The following FAP variants were observed in gnomAD, a reference collection of about 807,000 sequenced individuals.
FAP encodes prolyl endopeptidase FAP.
Under a neutral mutation model 126.5 loss-of-function variants are expected in FAP, and 110 were observed. The observed-to-expected ratio is 0.87, with a 90% CI of 0.74 to 1.02. FAP has a LOEUF of 1.02. Among genes scored for constraint, FAP ranks in the 50% least tolerant of loss-of-function variants. The probability of loss-of-function intolerance (pLI) is 0.00; values close to 1 mark genes in which losing one functional copy is unlikely to be tolerated. For missense variants in FAP, 919 were observed against 909.2 expected, an observed-to-expected ratio of 1.01 and a Z score of -0.14; for synonymous variants, 334 against 297.3, an observed-to-expected ratio of 1.12 and a Z score of -1.27.
chr2:162,215,285 C>T (rs1216909653), intron 10 of FAP, among the ~76,000 whole-genome samples: 1 of 152,164 alleles, frequency 6.6e-6, no homozygotes, highest in African/African-American at 2.4e-5. Context: ...GCCCAACAGG[C>T]AGGGCCTGGG....
At chr2:162,203,463 A>G (rs1036054741) in intron 12 of FAP, among the ~76,000 whole-genome samples, 6 of 152,238 alleles carry the variant, frequency 3.9e-5, no homozygotes, top group Admixed American at 6.5e-5. Context: ...TCACAAACGC[A>G]TGTTGATATT....
intron 21 of FAP, among the ~76,000 whole-genome samples, chr2:162,179,812 A>ATAT (rs1491388012): frequency 0.037 from 3,346 of 89,416 alleles, 50 homozygotes; most frequent in Non-Finnish European, 0.062. Flanking sequence ...ATATATATAT[A>ATAT]TTTTTTTTTT....
intron 2 of FAP, among the ~76,000 whole-genome samples, chr2:162,230,773 G>A (rs1043410918): frequency 1.3e-5 from 2 of 151,980 alleles, no homozygotes; most frequent in African/African-American, 2.4e-5. Flanking sequence ...GGGGGGTGGG[G>A]TCCTGGTAGT....
At chr2:162,230,872 G>C (rs896340908) in intron 2 of FAP, among the ~76,000 whole-genome samples, 11 of 152,104 alleles carry the variant, frequency 7.2e-5, no homozygotes, top group African/African-American at 2.7e-4. Context: ...TTTGCTCAAT[G>C]CACTCCTGTG....
intron 2 of FAP, among the ~76,000 whole-genome samples, chr2:162,229,415 AAC>A (rs1689799904): frequency 6.6e-6 from 1 of 152,172 alleles, no homozygotes; most frequent in African/African-American, 2.4e-5. Flanking sequence ...CAGTTTGAGA[AAC>A]ACAGTTCCAG....
intron 6 of FAP, among the ~76,000 whole-genome samples, chr2:162,221,311 C>T (rs1689385506): frequency 6.6e-6 from 1 of 152,074 alleles, no homozygotes. Flanking sequence ...CGGCGGATTT[C>T]TTGAGGCCAG....
chr2:162,240,928 T>A (rs1006150411), intron 2 of FAP, among the ~76,000 whole-genome samples: 1 of 152,070 alleles, frequency 6.6e-6, no homozygotes, highest in Non-Finnish European at 1.5e-5. Flanking sequence ...ACCAGTGAGA[T>A]GTGAGAAGAA....
At chr2:162,180,206 G>T (rs146643994) in intron 21 of FAP, among the ~76,000 whole-genome samples, 15 of 152,280 alleles carry the variant, frequency 9.9e-5, no homozygotes, top group African/African-American at 3.6e-4. Context: ...GCCAGGAAAG[G>T]TATCTGGGCT....
chr2:162,198,969 A>G (rs1688380449), intron 15 of FAP, 88 bp from the exon 16 acceptor site: 2 of 1,132,360 alleles, frequency 1.8e-6, no homozygotes, highest in Admixed American at 2.0e-5. Flanking sequence ...ACTAATTTAC[A>G]TATTGACATC....
In FAP at chr2:162,173,226, A is replaced by G; in HGVS notation, c.2035-5T>C. 1 of 1,610,186 alleles carries G rather than the reference A, an allele frequency of 6.2e-7. No individual in the cohort carries two copies. Among genetic ancestry groups the G allele is most frequent in the Admixed American group, 1.7e-5 (1 of 59,898 alleles). On this transcript the variant is annotated splice_region_variant and splice_polypyrimidine_tract_variant and intron_variant, in intron 23 of 25. Coordinates refer to ENST00000188790, the MANE Select transcript of FAP (RefSeq NM_004460.5). Reference sequence around the variant, plus strand: ...TCTTGCCATCACAGTTGAATTCTGGAAAAGAGAAAAAAATTAACATTTTAG... The same window carrying G: ...TCTTGCCATCACAGTTGAATTCTGGGAAAGAGAAAAAAATTAACATTTTAG...
intron 11 of FAP, among the ~76,000 whole-genome samples, chr2:162,210,228 A>C (rs551584818): frequency 1.6e-3 from 244 of 152,324 alleles, no homozygotes; most frequent in Non-Finnish European, 2.4e-3. Context: ...TAAATCTTCC[A>C]TGAGGCAGTG....
intron 4 of FAP, 35 bp downstream of exon 4, chr2:162,225,448 G>C: frequency 6.3e-7 from 1 of 1,583,492 alleles, no homozygotes; most frequent in Non-Finnish European, 8.6e-7. Context: ...AGTGGGCAAA[G>C]GTTTCTGAGG....
rs1368724742 is a variant in FAP, at chr2:162,215,932, G to A, written c.832C>T (p.Gln278Ter). The change falls in exon 10 of 26, where the codon CAG (glutamine) becomes TAG (stop). Residue 278 changes from glutamine (Q) to a stop codon, truncating the protein, a stop_gained. Coordinates refer to ENST00000188790, the MANE Select transcript of FAP (RefSeq NM_004460.5). LOFTEE classifies it high-confidence loss of function. ...ATCATTGCTGGAACAGGCACTTCCT[G>A]GGGACCTACATACGCAGGGTAAGTG... ...DTTYPAYVGP[Q>*]EVPVPAMIAS... The A allele has an allele frequency of 6.2e-7, 1 of 1,613,938 alleles. No homozygotes were observed. Among genetic ancestry groups the A allele is most frequent in the Admixed American group, 1.7e-5 (1 of 60,008 alleles).
intron 21 of FAP, chr2:162,175,753 C>T (rs1385233799): frequency 1.3e-5 from 2 of 152,010 alleles, no homozygotes; most frequent in African/African-American, 4.8e-5. Flanking sequence ...AGATCTCTGC[C>T]CATGTCACAT....
Position 162,170,982 on chromosome 2 carries a change from G to C in FAP, c.2280C>G (p.Asp760Glu), listed in dbSNP as rs975957558. 1.9e-6 allele frequency: 3 copies of C among 1,612,006 alleles called. No homozygotes were observed. The East Asian group carries it at 6.7e-5, about 36-fold the overall frequency. The change falls in exon 26 of 26, where the codon GAC becomes GAG. Residue 760 changes from aspartate (D) to glutamate (E), a missense_variant. Coordinates refer to ENST00000188790, the MANE Select transcript of FAP (RefSeq NM_004460.5). ...HFLKQCFSLS[D>E] is the part of the protein sequence containing the mutation. ...CAGGCTTGCATCTGCATCGTTTTTA[G>C]TCTGACAAAGAGAAACACTGCTTTA...
At chr2:162,220,670 T>C (rs1689351040) in intron 6 of FAP, among the ~76,000 whole-genome samples, 1 of 152,200 alleles carries the variant, frequency 6.6e-6, no homozygotes. Flanking sequence ...AAATAGTCTA[T>C]TGGCCAAAAC....
intron 17 of FAP, 121 bp downstream of exon 17, chr2:162,194,580 A>G (rs1688173447): frequency 1.2e-6 from 1 of 801,910 alleles, no homozygotes; most frequent in Admixed American, 1.9e-5. Flanking sequence ...TGATGTGATA[A>G]CAGGATTCCA....
At chr2:162,178,885 C>T (rs1687582969) in intron 21 of FAP, among the ~76,000 whole-genome samples, 1 of 152,194 alleles carries the variant, frequency 6.6e-6, no homozygotes, top group African/African-American at 2.4e-5. Context: ...ATGTCTTTCT[C>T]TTTTCCATCT....
At chr2:162,227,432 G>A (rs977361313) in intron 2 of FAP, among the ~76,000 whole-genome samples, 9 of 152,124 alleles carry the variant, frequency 5.9e-5, no homozygotes, top group Non-Finnish European at 4.4e-5. Context: ...CCCTGAAGCA[G>A]TCAGATACAC....
Sources: allele counts gnomAD v4.1 joint callset (sites outside exome capture counted in the v4.1 genomes callset), GRCh38; gene constraint gnomAD v4.1.1; transcripts MANE v1.5; gene names NCBI Gene and HGNC (gene_info 2026-07-23, HGNC 2026-07-21).